The following LPP variants were observed in gnomAD, a reference collection of about 807,000 sequenced individuals.
LPP encodes the protein LIM domain containing preferred translocation partner in lipoma.
In LPP, 38 loss-of-function variants were observed where a neutral mutation model predicts 60.4. That is an observed-to-expected ratio of 0.63 (90% CI 0.49 to 0.83). The LOEUF is 0.83. LPP is among the 40% of genes least tolerant of loss of function. LPP has a pLI of 0.00. For missense variants in LPP, 902 were observed against 783.6 expected (o/e 1.15, Z -1.80); for synonymous variants, 328 against 290.8 (o/e 1.13, Z -1.30).
At chr3:188,778,066 T>G (rs1208162887) in intron 9 of LPP, among the ~76,000 whole-genome samples, 1 of 152,198 alleles carries the variant, frequency 6.6e-6, no homozygotes, top group East Asian at 1.9e-4. Context: ...AAAATTCCCC[T>G]TATTTCCAAG....
At chr3:188,484,277 A>C (rs1805668831) in intron 4 of LPP, among the ~76,000 whole-genome samples, 2 of 152,140 alleles carry the variant, frequency 1.3e-5, no homozygotes, top group Admixed American at 6.5e-5. Flanking sequence ...AAATGTATTG[A>C]GGGCAAGCAC....
At position 188,874,514 on chromosome 3, in the gene LPP, C is replaced by T. The variant is rs373793039; in HGVS notation, c.*35C>T. ...CCTGTTCAGCCGGCACTGAGAAGAA[C>T]GAACACAAGAAAAAGATAAGAAATA... On this transcript the variant is annotated 3_prime_UTR_variant, in exon 12 of 12. Coordinates refer to ENST00000617246, the MANE Select transcript of LPP (RefSeq NM_001375462.1). 2.5e-5 allele frequency: 40 copies of T among 1,600,524 alleles called. No homozygotes were observed. In the Middle Eastern group the frequency reaches 5.0e-4, roughly 20 times the overall value.
chr3:188,463,179 C>T (rs756506319), intron 4 of LPP, among the ~76,000 whole-genome samples: 4 of 151,918 alleles, frequency 2.6e-5, no homozygotes, highest in Non-Finnish European at 4.4e-5. Flanking sequence ...TATGTATGAA[C>T]GTGTGGGGTG....
At chr3:188,177,375 T>C (rs1457995743) in intron 1 of LPP, among the ~76,000 whole-genome samples, 3 of 152,140 alleles carry the variant, frequency 2.0e-5, no homozygotes, top group African/African-American at 4.8e-5. Flanking sequence ...CTGTTTTGGA[T>C]TGGGGCCTTG....
intron 2 of LPP, among the ~76,000 whole-genome samples, chr3:188,265,646 CAAAT>C (rs1735228675): frequency 6.6e-6 from 1 of 151,896 alleles, no homozygotes; most frequent in South Asian, 2.1e-4. Flanking sequence ...AGGACTTTAA[CAAAT>C]AAGAAAGAAA....
intron 9 of LPP, among the ~76,000 whole-genome samples, chr3:188,771,559 A>AAAAAAAAAAAAG (rs1735997196): frequency 1.3e-5 from 1 of 77,568 alleles, no homozygotes; most frequent in Non-Finnish European, 2.4e-5. Flanking sequence ...CAAAAAAAAA[A>AAAAAAAAAAAAG]AAAAAAAGAA....
At chr3:188,369,081 AC>A (rs145095757) in intron 3 of LPP, among the ~76,000 whole-genome samples, 1,698 of 151,738 alleles carry the variant, frequency 0.011, 29 homozygotes, top group African/African-American at 0.037. Context: ...CTCTCCTCCC[AC>A]CCCCATTTAC....
rs1474715423 is a variant in LPP at position 188,688,114 on chromosome 3, A to G, written c.1114-20153A>G. ...TGCCAAATGAGACTTAGTTTTTCCA[A>G]AGTACTTGGGAGAAGAAAAACAATA... On this transcript the variant is annotated intron_variant, in intron 7 of 11. Transcript: ENST00000617246. Among the ~76,000 whole-genome samples, 4 of 152,118 alleles carry G rather than the reference A, an allele frequency of 2.6e-5. No individual in the cohort carries two copies. In the East Asian group the frequency reaches 7.7e-4, roughly 29 times the overall value.
intron 2 of LPP, among the ~76,000 whole-genome samples, chr3:188,240,994 A>G (rs2149461800): frequency 6.6e-6 from 1 of 152,312 alleles, no homozygotes; most frequent in African/African-American, 2.4e-5. Context: ...TTAAGATGTT[A>G]CGGGGTATGT....
intron 7 of LPP, among the ~76,000 whole-genome samples, chr3:188,626,682 C>T (rs550347046): frequency 3.3e-5 from 5 of 152,154 alleles, no homozygotes; most frequent in East Asian, 1.9e-4. Flanking sequence ...CAACTCCAGT[C>T]GTATTGGATT....
chr3:188,240,773 T>C (rs2149457760), intron 2 of LPP, among the ~76,000 whole-genome samples: 1 of 152,046 alleles, frequency 6.6e-6, no homozygotes, highest in East Asian at 1.9e-4. Context: ...AGGGGCGAGC[T>C]CCAAATGCAG....
At chr3:188,696,875 G>A (rs2149531166) in intron 7 of LPP, among the ~76,000 whole-genome samples, 1 of 152,200 alleles carries the variant, frequency 6.6e-6, no homozygotes, top group Admixed American at 6.5e-5. Context: ...TTTGATGACT[G>A]CTTTAATGCC....
chr3:188,447,093 A>C (rs1031389311), intron 4 of LPP, among the ~76,000 whole-genome samples: 8 of 152,184 alleles, frequency 5.3e-5, no homozygotes, highest in African/African-American at 1.9e-4. Flanking sequence ...GAACCTTAGA[A>C]AGCCTTGAGA....
intron 2 of LPP, among the ~76,000 whole-genome samples, chr3:188,268,277 A>C (rs1736339659): frequency 2.0e-5 from 3 of 148,546 alleles, no homozygotes; most frequent in Non-Finnish European, 1.5e-5. Context: ...TAAAACAAAC[A>C]AAAACAAAAA....
chr3:188,758,052 A>G (rs1730967983), intron 8 of LPP, among the ~76,000 whole-genome samples: 1 of 152,156 alleles, frequency 6.6e-6, no homozygotes, highest in Non-Finnish European at 1.5e-5. Context: ...CAAATACTAT[A>G]CAAAATTTTT....
chr3:188,229,929 G>A (rs2149353957), intron 2 of LPP, among the ~76,000 whole-genome samples: 1 of 152,252 alleles, frequency 6.6e-6, no homozygotes, highest in East Asian at 1.9e-4. Flanking sequence ...CTGGTTCATA[G>A]AGTATGTGTT....
rs368988302 is a variant in LPP at position 188,297,137 on chromosome 3, G to A, written c.-66-44526G>A. Among the ~76,000 whole-genome samples the A allele has an allele frequency of 5.9e-5, 9 of 152,290 alleles. No individual in the cohort carries two copies. The South Asian group carries it at 8.3e-4, about 14-fold the overall frequency. On this transcript the variant is annotated intron_variant, in intron 2 of 11. Transcript: ENST00000617246. ...TCCTGAGCAGGGAATGATGTCATTCGATCTATAATTCAGTCTGGTTAATCT... is the reference window on the plus strand; with the variant it reads ...TCCTGAGCAGGGAATGATGTCATTCAATCTATAATTCAGTCTGGTTAATCT...
At chr3:188,545,880 T>C (rs1460759376) in intron 6 of LPP, among the ~76,000 whole-genome samples, 1 of 152,156 alleles carries the variant, frequency 6.6e-6, no homozygotes, top group African/African-American at 2.4e-5. Context: ...ACCTTTGTTG[T>C]TGGGGTTGTA....
chr3:188,190,224 G>A (rs1057073214), intron 1 of LPP, among the ~76,000 whole-genome samples: 5 of 152,050 alleles, frequency 3.3e-5, no homozygotes, highest in African/African-American at 1.2e-4. Flanking sequence ...GCCTGGCTAA[G>A]TTTTGTATTT....
Sources: allele counts gnomAD v4.1 joint callset (sites outside exome capture counted in the v4.1 genomes callset), GRCh38; gene constraint gnomAD v4.1.1; transcripts MANE v1.5; gene names NCBI Gene and HGNC (gene_info 2026-07-23, HGNC 2026-07-21).